CCDC30: variants seen among roughly 807,000 people sequenced by gnomAD.
CCDC30 encodes the protein coiled-coil domain-containing protein 30.
In CCDC30, 70 loss-of-function variants were observed where a neutral mutation model predicts 100.2. The observed-to-expected ratio is 0.70, with a 90% CI of 0.58 to 0.85. The LOEUF is 0.85. Among genes scored for constraint, CCDC30 ranks in the 40% least tolerant of loss-of-function variants. The probability of loss-of-function intolerance (pLI) is 0.00; values close to 1 mark genes in which losing one functional copy is unlikely to be tolerated. For missense variants in CCDC30, 652 were observed against 771.2 expected (o/e 0.85, Z 1.83); for synonymous variants, 233 against 269.5 (o/e 0.86, Z 1.33).
chr1:42,456,364 C>T, the CCDC30 span: 2 of 649,862 alleles, frequency 3.1e-6, no homozygotes, highest in East Asian at 5.7e-5. Flanking sequence ...GCCGGGGATC[C>T]CCCTCGTTGC....
chr1:42,611,146 C>A, intron 11 of CCDC30, 56 bp downstream of exon 15: 2 of 1,061,308 alleles, frequency 1.9e-6, no homozygotes, highest in South Asian at 1.3e-5. Context: ...TTATTTCTTG[C>A]TGAGCAGGCT....
intron 6 of CCDC30, among the ~76,000 whole-genome samples, chr1:42,505,411 T>C (rs1019681346): frequency 6.6e-6 from 1 of 152,048 alleles, no homozygotes; most frequent in African/African-American, 2.4e-5. Flanking sequence ...GCCTAAAATG[T>C]AGGGAAAAAA....
intron 11 of CCDC30, among the ~76,000 whole-genome samples, chr1:42,632,774 G>A (rs1242815677): frequency 6.8e-6 from 1 of 147,558 alleles, no homozygotes; most frequent in African/African-American, 2.5e-5. Context: ...AAAAAAAAAA[G>A]TAAATAAATA....
chr1:42,551,784 TTGC>T (rs1275134245), intron 6 of CCDC30, among the ~76,000 whole-genome samples: 2 of 148,432 alleles, frequency 1.3e-5, no homozygotes, highest in Non-Finnish European at 3.0e-5. Context: ...TGACTGGAAC[TTGC>T]TGTGTCATCC....
rs754829759 is a variant in CCDC30, at chr1:42,634,249, CAAA to C, written c.1278-2965_1278-2963del. ...TCAAGGCTGCACAGCAAGACTGTCT[CAAA>C]AAAAAAAAAAAAAAAAAAAAAACAA... On this transcript the variant is annotated intron_variant, in intron 11 of 16. Coordinates refer to ENST00000668663, the Ensembl canonical transcript of CCDC30. Among the ~76,000 whole-genome samples the C allele has an allele frequency of 2.0e-3, 227 of 115,300 alleles. 1 individual carries two copies. Among genetic ancestry groups the C allele is most frequent in the African/African-American group, 5.8e-3 (176 of 30,426 alleles). 75.6% of individuals were successfully genotyped at this position (115,300 alleles called of 152,430 possible). A position where few individuals can be genotyped will look rare whatever the true frequency, so the allele number is the denominator to read the frequency against.
intron 15 of CCDC30, among the ~76,000 whole-genome samples, chr1:42,647,190 C>T (rs1647956909): frequency 6.6e-6 from 1 of 151,960 alleles, no homozygotes; most frequent in Admixed American, 6.6e-5. Flanking sequence ...ATATACTGCC[C>T]TCAAGAAACC....
intron 10 of CCDC30, among the ~76,000 whole-genome samples, chr1:42,598,752 T>C (rs1646342693): frequency 6.6e-6 from 1 of 151,748 alleles, no homozygotes; most frequent in African/African-American, 2.4e-5. Context: ...AGTGAGACCC[T>C]GTCTCAAAAA....
intron 7 of CCDC30, 73 bp from the exon 12 acceptor site, chr1:42,576,947 T>A (rs1386871386): frequency 4.3e-6 from 5 of 1,152,788 alleles, no homozygotes; most frequent in Non-Finnish European, 6.3e-6. Context: ...TATACTCCTT[T>A]GAAAGCTGCT....
At chr1:42,570,031 C>A (rs1645698756) in intron 7 of CCDC30, among the ~76,000 whole-genome samples, 1 of 152,124 alleles carries the variant, frequency 6.6e-6, no homozygotes, top group South Asian at 2.1e-4. Context: ...ATGTAGATGA[C>A]AGGTTGATGG....
chr1:42,463,893 C>T (rs1256332773), exon 1 of CCDC30: 1 of 152,206 alleles, frequency 6.6e-6, no homozygotes, highest in East Asian at 1.9e-4. Flanking sequence ...CATCAGAGGT[C>T]ATGAAGTCAG....
chr1:42,525,369 T>A (rs1353804111), intron 6 of CCDC30, among the ~76,000 whole-genome samples: 1 of 152,208 alleles, frequency 6.6e-6, no homozygotes, highest in Non-Finnish European at 1.5e-5. Flanking sequence ...CTATTGTTGT[T>A]TTCAAGTTCA....
chr1:42,536,730 G>C (rs1041149806), intron 6 of CCDC30, 129 bp downstream of exon 7: 17 of 664,084 alleles, frequency 2.6e-5, no homozygotes, highest in Middle Eastern at 2.6e-4. Context: ...CCACAGACTA[G>C]GTGGCTCAAA....
intron 1 of CCDC30, among the ~76,000 whole-genome samples, chr1:42,466,463 C>A (rs544468956): frequency 2.0e-5 from 3 of 152,278 alleles, no homozygotes; most frequent in African/African-American, 7.2e-5. Flanking sequence ...GGATGCACTT[C>A]TTTCCAGAGA....
At chr1:42,646,223 G>T in exon 15 of CCDC30, 1 of 1,566,904 alleles carries the variant, frequency 6.4e-7, no homozygotes, top group Non-Finnish European at 8.7e-7. Context: ...GAAATATACA[G>T]CACTGAGGTC....
intron 7 of CCDC30, among the ~76,000 whole-genome samples, chr1:42,569,808 G>A (rs1645693753): frequency 6.6e-6 from 1 of 152,216 alleles, no homozygotes; most frequent in African/African-American, 2.4e-5. Flanking sequence ...AAAAAAGAAT[G>A]AGTTCATGTC....
intron 6 of CCDC30, among the ~76,000 whole-genome samples, chr1:42,536,058 C>CA (rs1357961234): frequency 6.6e-6 from 1 of 151,702 alleles, no homozygotes; most frequent in Non-Finnish European, 1.5e-5. Context: ...CCTAGGAAAA[C>CA]AAAATGAAAT....
intron 6 of CCDC30, among the ~76,000 whole-genome samples, chr1:42,552,455 A>G (rs549094518): frequency 6.6e-6 from 1 of 152,190 alleles, no homozygotes; most frequent in African/African-American, 2.4e-5. Flanking sequence ...ACAGAAGGAA[A>G]TTAAATTGGT....
At chr1:42,464,157 C>G (rs2148427635) in intron 1 of CCDC30, 2 of 152,208 alleles carry the variant, frequency 1.3e-5, no homozygotes, top group South Asian at 4.1e-4. Flanking sequence ...TTCTGTTTTT[C>G]TTTGCACTAT....
upstream of CCDC30, among the ~76,000 whole-genome samples, chr1:42,458,559 G>A (rs1388889272): frequency 2.0e-5 from 3 of 152,194 alleles, no homozygotes; most frequent in African/African-American, 7.2e-5. Flanking sequence ...CAATAAATAA[G>A]TCAAATACAT....
Sources: gnomAD v4.1 joint callset for allele counts (sites outside exome capture counted in the v4.1 genomes callset) on GRCh38, gnomAD v4.1.1 for gene constraint, MANE v1.5 for transcripts, NCBI Gene and HGNC (gene_info 2026-07-23, HGNC 2026-07-21) for gene names.